The following DPCD variants were observed in gnomAD, a reference collection of about 807,000 sequenced individuals.
DPCD encodes protein DPCD.
A neutral mutation model predicts 26.4 loss-of-function variants in DPCD; 20 were observed. That is an observed-to-expected ratio of 0.76 (90% CI 0.53 to 1.10). DPCD has a LOEUF of 1.10. DPCD is among the 50% of genes least tolerant of loss of function. The pLI is 0.00. For missense variants in DPCD, 202 were observed against 253.9 expected, an observed-to-expected ratio of 0.80 and a Z score of 1.39; for synonymous variants, 97 against 94.2, an observed-to-expected ratio of 1.03 and a Z score of -0.17.
intron 4 of DPCD, among the ~76,000 whole-genome samples, chr10:101,602,131 G>C (rs1251898848): frequency 6.6e-6 from 1 of 152,230 alleles, no homozygotes; most frequent in Non-Finnish European, 1.5e-5. Context: ...ACAGTCTAGG[G>C]ACAACTCCCA....
intron 1 of DPCD, among the ~76,000 whole-genome samples, chr10:101,593,469 T>C (rs1051791423): frequency 6.6e-6 from 1 of 152,234 alleles, no homozygotes; most frequent in South Asian, 2.1e-4. Flanking sequence ...TTACTAGTTT[T>C]ACTGAGGAGT....
chr10:101,590,063 G>GAAA (rs34473619), intron 1 of DPCD, among the ~76,000 whole-genome samples: 5 of 117,248 alleles, frequency 4.3e-5, no homozygotes, highest in African/African-American at 6.3e-5. Context: ...AAAAAAACTG[G>GAAA]AAAAAAAAAA....
At chr10:101,597,980 G>T (rs1246911235) in intron 2 of DPCD, among the ~76,000 whole-genome samples, 1 of 152,182 alleles carries the variant, frequency 6.6e-6, no homozygotes, top group Non-Finnish European at 1.5e-5. Context: ...AATTCTCAAG[G>T]TGTTTAAACA....
Position 101,608,821 on chromosome 10 carries a change from C to T in DPCD, c.405-14C>T, listed in dbSNP as rs747971984. 1.0e-5 allele frequency: 16 copies of T among 1,598,412 alleles called. No homozygotes were observed. Among genetic ancestry groups the T allele is most frequent in the Admixed American group, 6.7e-5 (4 of 59,852 alleles). On this transcript the variant is annotated splice_polypyrimidine_tract_variant and intron_variant, in intron 4 of 5. Transcript: ENST00000370151. ...CTTGCCGAGTGCCCCAATGGCCTCT[C>T]GGTGTCCCCACAGGTACTACAAGAA... is the stretch of plus-strand genomic sequence containing the variant.
At chr10:101,590,154 A>T (rs1444439631) in intron 1 of DPCD, among the ~76,000 whole-genome samples, 1 of 152,126 alleles carries the variant, frequency 6.6e-6, no homozygotes, top group Non-Finnish European at 1.5e-5. Flanking sequence ...TAAGGACCCT[A>T]TGTGAAGGTG....
chr10:101,594,719 G>C lies in DPCD; in HGVS notation c.126G>C (p.Glu42Asp), dbSNP rs749179924. ...DGKEMAEEYD[E>D]KTSELLVRKW... ...AGGAAATGGCTGAAGAATATGACGA[G>C]AAGACGAGTGAACTACTTGGTAAGT... is the stretch of plus-strand genomic sequence containing the variant. The change falls in exon 2 of 6, where the codon GAG becomes GAC. Residue 42 changes from glutamate to aspartate, a missense_variant. Around this residue, in one of 3 missense-constraint regions of DPCD, gnomAD observed 37 missense variants for 76.0 expected, o/e 0.49. Coordinates refer to ENST00000370151, the MANE Select transcript of DPCD (RefSeq NM_015448.3). 7 of 1,614,204 alleles carry C rather than the reference G, an allele frequency of 4.3e-6. No individual in the cohort carries two copies. The Admixed American group carries it at 1.2e-4, about 27-fold the overall frequency.
chr10:101,603,312 C>T lies in DPCD; in HGVS notation c.404+1976C>T, dbSNP rs1488611109. ...TCTACCTGGAAGAATGTATTTTATA[C>T]CTTTACTCCCATTAATTATATAGAA... On this transcript the variant is annotated intron_variant, in intron 4 of 5. Transcript: ENST00000370151. The surrounding 1 kb of genome is among the most constrained non-coding windows in gnomAD (Gnocchi z 4.6). Among the ~76,000 whole-genome samples, 1 of 152,134 alleles carries T rather than the reference C, an allele frequency of 6.6e-6. No homozygotes were observed. Among genetic ancestry groups the T allele is most frequent in the African/African-American group, 2.4e-5 (1 of 41,410 alleles).
Position 101,603,723 on chromosome 10 carries a change from C to G in DPCD, c.404+2387C>G, listed in dbSNP as rs1245166001. On this transcript the variant is annotated intron_variant, in intron 4 of 5. Transcript: ENST00000370151. This position sits in a 1 kb window ranked among gnomAD's most constrained non-coding sequence, Gnocchi z 4.6. ...AGTGAGCCAAGATCATGCCATTGCA[C>G]TCCAGCCTGGGTGACAGAGTGAGAC... Among the ~76,000 whole-genome samples the G allele has an allele frequency of 1.3e-5, 2 of 151,014 alleles. No individual in the cohort carries two copies. The highest frequency in any genetic ancestry group is 4.9e-5 in the African/African-American group (2 of 40,958).
chr10:101,598,993 C>A lies in DPCD; in HGVS notation c.146-1745C>A, dbSNP rs538946006. 1.1e-4 allele frequency among the ~76,000 whole-genome samples: 16 copies of A among 152,288 alleles called. No homozygotes were observed. The South Asian group carries it at 2.9e-3, about 28-fold the overall frequency. On this transcript the variant is annotated intron_variant, in intron 2 of 5. Coordinates refer to ENST00000370151, the MANE Select transcript of DPCD (RefSeq NM_015448.3). The stretch of plus-strand genomic sequence containing the variant: ...GTTGTGTTCTATTATAAAGTGGCAC[C>A]ATTGGAGTCTAAGGGTGCTTGTTTG...
chr10:101,605,011 G>T, intron 4 of DPCD: 1 of 1,342,488 alleles, frequency 7.4e-7, no homozygotes. Flanking sequence ...GCTTCTCTTT[G>T]GTGGGGCCGA....
Position 101,608,926 on chromosome 10 carries a change from C to G in DPCD, c.496C>G (p.Leu166Val), listed in dbSNP as rs769855917. The G allele has an allele frequency of 6.2e-7, 1 of 1,612,536 alleles. No homozygotes were observed. Among genetic ancestry groups the G allele is most frequent in the East Asian group, 2.2e-5 (1 of 44,862 alleles). ...GAGCTTTGCCCACGCCAACTGCACC[C>G]TGATCATCTCTGTAAGATTCACCCA... ...LLSFAHANCT[L>V]IISYQKPKEV... is the part of the protein sequence containing the mutation. Residue 166 changes from leucine to valine, a missense_variant, in exon 5 of 6, where the codon CTG (leucine) becomes GTG (valine). By Grantham distance (32) the Leu-to-Val change is conservative. Transcript: ENST00000370151.
chr10:101,594,287 C>G (rs2063634014), intron 1 of DPCD, among the ~76,000 whole-genome samples: 1 of 152,182 alleles, frequency 6.6e-6, no homozygotes, highest in African/African-American at 2.4e-5. Flanking sequence ...GGGAGGCACA[C>G]ATGAGGATGT....
rs139546982 is a variant in DPCD at position 101,589,738 on chromosome 10, G to T, written c.64+1338G>T. ...CGCTACTAAAAATACAAAAAAATTA[G>T]CCAGGTGTGGTGGTGCGCACCCGTA... On this transcript the variant is annotated intron_variant, in intron 1 of 5. Coordinates refer to ENST00000370151, the MANE Select transcript of DPCD (RefSeq NM_015448.3). Among the ~76,000 whole-genome samples the T allele has an allele frequency of 3.4e-4, 52 of 152,276 alleles. No individual in the cohort carries two copies. In the East Asian group the frequency reaches 6.2e-3, roughly 18 times the overall value.
intron 2 of DPCD, among the ~76,000 whole-genome samples, chr10:101,595,020 C>T (rs1192657463): frequency 6.6e-6 from 1 of 152,082 alleles, no homozygotes; most frequent in Non-Finnish European, 1.5e-5. Context: ...AAAAACTTTA[C>T]AGAGGAGGTG....
chr10:101,588,503 G>A, intron 1 of DPCD, 103 bp downstream of exon 1: 2 of 1,508,984 alleles, frequency 1.3e-6, no homozygotes, highest in Non-Finnish European at 1.8e-6. Flanking sequence ...AAGGGTCTCG[G>A]CGGTCAGCCG....
intron 2 of DPCD, among the ~76,000 whole-genome samples, chr10:101,595,132 C>T (rs186961618): frequency 6.6e-6 from 1 of 152,270 alleles, no homozygotes; most frequent in East Asian, 1.9e-4. Flanking sequence ...TCTAAAGCCA[C>T]ACCAGGAGCA....
intron 1 of DPCD, among the ~76,000 whole-genome samples, chr10:101,592,703 G>C (rs1315254060): frequency 7.0e-6 from 1 of 143,746 alleles, no homozygotes; most frequent in Non-Finnish European, 1.5e-5. Flanking sequence ...CTTGGCAACA[G>C]AGCAAGACAC....
chr10:101,599,312 T>C (rs2134767395), intron 2 of DPCD, among the ~76,000 whole-genome samples: 1 of 152,328 alleles, frequency 6.6e-6, no homozygotes, highest in African/African-American at 2.4e-5. Context: ...AAGTGAGGTA[T>C]TAACACTGAA....
chr10:101,599,205 G>A (rs1018166906), intron 2 of DPCD, among the ~76,000 whole-genome samples: 1 of 152,190 alleles, frequency 6.6e-6, no homozygotes, highest in South Asian at 2.1e-4. Context: ...ATAGAGTAGG[G>A]TACATGGATC....
Sources: gnomAD v4.1 joint callset for allele counts (sites outside exome capture counted in the v4.1 genomes callset) on GRCh38, gnomAD v4.1.1 for gene constraint, gnomAD v4.1.1 regional missense constraint, Gnocchi (gnomAD v3.1) non-coding constraint, MANE v1.5 for transcripts, NCBI Gene and HGNC (gene_info 2026-07-23, HGNC 2026-07-21) for gene names.